PTPRD: variants seen among roughly 807,000 people sequenced by gnomAD.
PTPRD encodes protein tyrosine phosphatase receptor type D.
PTPRD carries 34 observed loss-of-function variants against 214.5 expected under a neutral mutation model. The observed-to-expected ratio is 0.16, with a 90% CI of 0.12 to 0.21. The LOEUF (loss-of-function observed/expected upper bound fraction) is 0.21, where lower values mean the gene tolerates loss of function less well. PTPRD is among the 10% of genes least tolerant of loss of function. PTPRD has a pLI of 1.00. For missense variants in PTPRD, 2,545 were observed against 2,398.7 expected (o/e 1.06, Z -1.27); for synonymous variants, 1,128 against 845.7 (o/e 1.33, Z -5.79).
At chr9:8,868,474 G>A (rs1160432861) in intron 11 of PTPRD, among the ~76,000 whole-genome samples, 1 of 152,166 alleles carries the variant, frequency 6.6e-6, no homozygotes, top group Admixed American at 6.5e-5. Flanking sequence ...AAAGTGCTGG[G>A]ATTACAGGCA....
intron 11 of PTPRD, among the ~76,000 whole-genome samples, chr9:8,761,398 T>C (rs2094404837): frequency 6.6e-6 from 1 of 152,226 alleles, no homozygotes; most frequent in Non-Finnish European, 1.5e-5. Context: ...TTTTCACAAT[T>C]ATAACATTTC....
chr9:8,564,282 T>C (rs1261094676), intron 14 of PTPRD, among the ~76,000 whole-genome samples: 2 of 152,230 alleles, frequency 1.3e-5, no homozygotes, highest in South Asian at 4.1e-4. Context: ...AAACGCATTT[T>C]TGATTTACAA....
chr9:8,715,635 CT>C (rs1435572323), intron 12 of PTPRD, among the ~76,000 whole-genome samples: 1 of 152,134 alleles, frequency 6.6e-6, no homozygotes, highest in Admixed American at 6.5e-5. Flanking sequence ...ACATACGGAC[CT>C]ACAAAAATGC....
At chr9:9,406,297 T>C (rs535516653) in intron 8 of PTPRD, among the ~76,000 whole-genome samples, 2 of 152,058 alleles carry the variant, frequency 1.3e-5, no homozygotes, top group East Asian at 3.9e-4. Flanking sequence ...TGTCTCTGTC[T>C]TTCACTCTCA....
intron 11 of PTPRD, among the ~76,000 whole-genome samples, chr9:8,771,771 T>C (rs1199046621): frequency 2.6e-5 from 4 of 152,058 alleles, no homozygotes; most frequent in Non-Finnish European, 2.9e-5. Flanking sequence ...TCAACCCTTG[T>C]TTTAGATGAC....
At chr9:8,760,948 A>G (rs1331194596) in intron 11 of PTPRD, among the ~76,000 whole-genome samples, 1 of 152,222 alleles carries the variant, frequency 6.6e-6, no homozygotes, top group South Asian at 2.1e-4. Flanking sequence ...AATAGGAATA[A>G]CATTTTTAAA....
intron 7 of PTPRD, among the ~76,000 whole-genome samples, chr9:9,581,239 C>T (rs2090673574): frequency 6.6e-6 from 1 of 152,030 alleles, no homozygotes; most frequent in African/African-American, 2.4e-5. Flanking sequence ...CTAAATTGAA[C>T]TTATGCATTA....
chr9:9,056,977 G>C lies in PTPRD; in HGVS notation c.-142-38242C>G, dbSNP rs148574230. Among the ~76,000 whole-genome samples the C allele has an allele frequency of 7.0e-3, 1,064 of 152,244 alleles. 5 individuals carry two copies. Among genetic ancestry groups the C allele is most frequent in the Middle Eastern group, 0.024 (7 of 294 alleles). ...AATTAGGAACTTGATGATCTTGCTA[G>C]ATCATTTATGCTTTTGCAGTCTCAT... On this transcript the variant is annotated intron_variant, in intron 10 of 45. Transcript: ENST00000381196.
chr9:10,469,255 C>T (rs1378778503), intron 2 of PTPRD, among the ~76,000 whole-genome samples: 6 of 152,118 alleles, frequency 3.9e-5, no homozygotes, highest in Admixed American at 3.9e-4. Context: ...AGCACTTTTT[C>T]ATTCCTCTAC....
At chr9:8,841,691 CTTAG>C (rs1398620152) in intron 11 of PTPRD, among the ~76,000 whole-genome samples, 2 of 86,386 alleles carry the variant, frequency 2.3e-5, no homozygotes, top group East Asian at 5.8e-4. Context: ...GAGGTACATA[CTTAG>C]AGTCTCAGAA....
rs188763825 is a variant in PTPRD, at chr9:10,449,520, C to T, written c.-599-108503G>A. Among the ~76,000 whole-genome samples, 195 of 145,510 alleles carry T rather than the reference C, an allele frequency of 1.3e-3. 2 individuals are homozygous for T. Among genetic ancestry groups the T allele is most frequent in the African/African-American group, 4.9e-3 (174 of 35,842 alleles). On this transcript the variant is annotated intron_variant, in intron 2 of 45. Transcript: ENST00000381196. ...TGCCCATCGTCTGGGATGTGAGGAG[C>T]CCCTCTGCCCAGCCACCCAGTCTGG...
intron 8 of PTPRD, among the ~76,000 whole-genome samples, chr9:9,451,601 G>A (rs778418832): frequency 2.0e-5 from 3 of 151,486 alleles, no homozygotes; most frequent in Non-Finnish European, 4.4e-5. Flanking sequence ...CAGCAAGTTG[G>A]TATGAATGAG....
intron 11 of PTPRD, among the ~76,000 whole-genome samples, chr9:8,786,965 C>T (rs1333736800): frequency 6.6e-6 from 1 of 151,056 alleles, no homozygotes; most frequent in African/African-American, 2.4e-5. Flanking sequence ...AGTGTAGTGG[C>T]AGCTGGGACT....
At chr9:10,280,710 A>C (rs559708965) in intron 3 of PTPRD, among the ~76,000 whole-genome samples, 1 of 152,120 alleles carries the variant, frequency 6.6e-6, no homozygotes, top group African/African-American at 2.4e-5. Context: ...TCCTAGATTC[A>C]AGTGTTCCCC....
chr9:9,006,410 A>G (rs572244524), intron 11 of PTPRD, among the ~76,000 whole-genome samples: 1 of 152,226 alleles, frequency 6.6e-6, no homozygotes, highest in East Asian at 1.9e-4. Flanking sequence ...AGGAATAGAC[A>G]AGGCACAAAT....
chr9:9,961,483 A>G (rs1352295570), intron 4 of PTPRD, among the ~76,000 whole-genome samples: 1 of 152,196 alleles, frequency 6.6e-6, no homozygotes, highest in African/African-American at 2.4e-5. Flanking sequence ...ACAAGGTTGA[A>G]AGTTCCCAGG....
rs573757299 is a variant in PTPRD at position 8,672,957 on chromosome 9, C to T, written c.65-36113G>A. On this transcript the variant is annotated intron_variant, in intron 12 of 45. Coordinates refer to ENST00000381196, the MANE Select transcript of PTPRD (RefSeq NM_002839.4). ...CAGTAGACACAGCAAATAAATGTAA[C>T]TGGAAAATTTATATGGAAAAGAATC... 2.3e-3 allele frequency among the ~76,000 whole-genome samples: 352 copies of T among 152,056 alleles called. 2 individuals carry two copies. The highest frequency in any genetic ancestry group is 8.2e-3 in the African/African-American group (339 of 41,460).
At chr9:9,782,159 T>C (rs933199184) in intron 5 of PTPRD, among the ~76,000 whole-genome samples, 1 of 152,000 alleles carries the variant, frequency 6.6e-6, no homozygotes, top group Non-Finnish European at 1.5e-5. Context: ...TGGTTTCTTT[T>C]TCCAGAAATT....
chr9:9,988,363 T>C (rs531203723), intron 4 of PTPRD, among the ~76,000 whole-genome samples: 35 of 152,190 alleles, frequency 2.3e-4, no homozygotes, highest in Non-Finnish European at 4.9e-4. Context: ...AAACTGTTTA[T>C]TATGAATGCC....
Sources: gnomAD v4.1 joint callset for allele counts (sites outside exome capture counted in the v4.1 genomes callset) on GRCh38, gnomAD v4.1.1 for gene constraint, MANE v1.5 for transcripts, NCBI Gene and HGNC (gene_info 2026-07-23, HGNC 2026-07-21) for gene names.